SCD5: variants seen among roughly 807,000 people sequenced by gnomAD.
SCD5 encodes the protein stearoyl-CoA desaturase 5.
Under a neutral mutation model 30.4 loss-of-function variants are expected in SCD5, and 20 were observed. The observed-to-expected ratio is 0.66, with a 90% CI of 0.46 to 0.96. The LOEUF (loss-of-function observed/expected upper bound fraction) is 0.96. Among genes scored for constraint, SCD5 ranks in the 40% least tolerant of loss-of-function variants. The probability of loss-of-function intolerance (pLI) is 0.00; values close to 1 mark genes in which losing one functional copy is unlikely to be tolerated. For missense variants in SCD5, 381 were observed against 443.3 expected, an observed-to-expected ratio of 0.86 and a Z score of 1.26; for synonymous variants, 173 against 176.4, an observed-to-expected ratio of 0.98 and a Z score of 0.16.
chr4:82,741,958 T>C (rs1720883319), intron 1 of SCD5, among the ~76,000 whole-genome samples: 1 of 150,948 alleles, frequency 6.6e-6, no homozygotes, highest in Non-Finnish European at 1.5e-5. Context: ...GGCATGCCTG[T>C]AGTCCCAGCG....
intron 2 of SCD5, among the ~76,000 whole-genome samples, chr4:82,703,426 A>G (rs1358621385): frequency 6.6e-6 from 1 of 152,186 alleles, no homozygotes; most frequent in African/African-American, 2.4e-5. Flanking sequence ...CTTTTTATTC[A>G]TTATTTTATC....
intron 2 of SCD5, among the ~76,000 whole-genome samples, chr4:82,681,806 A>C (rs981193087): frequency 1.3e-5 from 2 of 152,188 alleles, no homozygotes; most frequent in African/African-American, 4.8e-5. Flanking sequence ...AGATGTTCTT[A>C]GGATGAAATC....
chr4:82,782,880 G>A (rs1023238827), intron 1 of SCD5, among the ~76,000 whole-genome samples: 2 of 152,170 alleles, frequency 1.3e-5, no homozygotes, highest in African/African-American at 4.8e-5. Flanking sequence ...ATCTGGGCTG[G>A]AATTTCAGTC....
chr4:82,770,894 G>A (rs1028747654), intron 1 of SCD5, among the ~76,000 whole-genome samples: 6 of 152,202 alleles, frequency 3.9e-5, no homozygotes, highest in African/African-American at 1.4e-4. Context: ...TCTACACAAC[G>A]GCCCAGATGG....
At chr4:82,647,285 G>A (rs74580244) in intron 3 of SCD5, among the ~76,000 whole-genome samples, 5,786 of 151,996 alleles carry the variant, frequency 0.038, 148 homozygotes, top group South Asian at 0.093. Flanking sequence ...TGTGCTGAAA[G>A]GACAACAGAC....
chr4:82,648,166 A>G (rs1325349667), intron 3 of SCD5, among the ~76,000 whole-genome samples: 1 of 152,246 alleles, frequency 6.6e-6, no homozygotes, highest in East Asian at 1.9e-4. Flanking sequence ...CCAAGAGGCC[A>G]TCTGAGCCAC....
At chr4:82,725,641 T>G (rs914633915) in intron 1 of SCD5, among the ~76,000 whole-genome samples, 1 of 151,782 alleles carries the variant, frequency 6.6e-6, no homozygotes, top group African/African-American at 2.4e-5. Flanking sequence ...GGGCAGATCA[T>G]TTGAGACCAG....
At chr4:82,747,036 TG>T (rs58290846) in intron 1 of SCD5, among the ~76,000 whole-genome samples, 32,542 of 148,918 alleles carry the variant, frequency 0.22, 4,092 homozygotes, top group African/African-American at 0.34. Context: ...GGAGTTCGGT[TG>T]GGGGGCAGTT....
chr4:82,784,274 C>T (rs991071951), intron 1 of SCD5, among the ~76,000 whole-genome samples: 3 of 152,146 alleles, frequency 2.0e-5, no homozygotes, highest in Admixed American at 6.5e-5. Flanking sequence ...ACCTATACAA[C>T]GCTTCAGGTG....
intron 1 of SCD5, among the ~76,000 whole-genome samples, chr4:82,791,709 A>T (rs980875031): frequency 6.6e-6 from 1 of 152,184 alleles, no homozygotes; most frequent in Non-Finnish European, 1.5e-5. Flanking sequence ...AACATGGGAC[A>T]GAGGAATGGG....
intron 1 of SCD5, among the ~76,000 whole-genome samples, chr4:82,787,653 AGGAGGTGGGGCTTTGG>A (rs1722014093): frequency 6.6e-6 from 1 of 152,138 alleles, no homozygotes; most frequent in Non-Finnish European, 1.5e-5. Flanking sequence ...TGTTGGTATT[AGGAGGTGGGGCTTTGG>A]GGAGGTAATT....
chr4:82,677,183 A>C (rs1468328939), intron 3 of SCD5, among the ~76,000 whole-genome samples: 1 of 152,236 alleles, frequency 6.6e-6, no homozygotes, highest in Non-Finnish European at 1.5e-5. Context: ...AGAGGCACTT[A>C]GCTGATTGAT....
In SCD5 at chr4:82,705,390, C is replaced by T. The variant is rs753255648; in HGVS notation, c.256G>A (p.Ala86Thr). The change falls in exon 2 of 5, where the codon GCT (alanine) becomes ACT (threonine). Residue 86 changes from alanine (A) to threonine (T), a missense_variant. By Grantham distance (58) the Ala-to-Thr change is moderately conservative. Coordinates refer to ENST00000319540, the MANE Select transcript of SCD5 (RefSeq NM_001037582.3). The stretch of plus-strand genomic sequence containing the variant: ...TGGGCACCAGCTGTCACACCCAGAG[C>T]GGCCAGGAGGAAGCAGAAGTAGGCT... ...LWAYFCFLLA[A>T]LGVTAGAHRL... 6.8e-6 allele frequency: 11 copies of T among 1,614,072 alleles called. No homozygotes were observed. The highest frequency in any genetic ancestry group is 1.7e-5 in the Admixed American group (1 of 60,008).
Position 82,786,792 on chromosome 4 carries a change from T to TAAA in SCD5, c.232+11511_232+11513dup, listed in dbSNP as rs11462424. Among the ~76,000 whole-genome samples the TAAA allele has an allele frequency of 5.2e-3, 655 of 127,150 alleles. 10 individuals carry two copies. Among genetic ancestry groups the TAAA allele is most frequent in the Non-Finnish European group, 5.8e-3 (363 of 62,276 alleles). 83.4% of individuals were successfully genotyped at this position (127,150 alleles called of 152,430 possible). ...GGGGGACAAGAGCGAGACTTTGCCT[T>TAAA]AAAAAAAAAAAAAAAAAAACAAGGC... On this transcript the variant is annotated intron_variant, in intron 1 of 4. Coordinates refer to ENST00000319540, the MANE Select transcript of SCD5 (RefSeq NM_001037582.3).
chr4:82,662,313 A>G (rs1263565250), intron 3 of SCD5, among the ~76,000 whole-genome samples: 2 of 152,064 alleles, frequency 1.3e-5, no homozygotes, highest in East Asian at 3.9e-4. Context: ...TCAGCCTCCA[A>G]AAGTGCTGGG....
At chr4:82,660,614 A>T (rs937389207) in intron 3 of SCD5, 1 of 1,326,556 alleles carries the variant, frequency 7.5e-7, no homozygotes, top group African/African-American at 1.5e-5. Flanking sequence ...AGGTATCATT[A>T]TTACCCTGCT....
intron 1 of SCD5, among the ~76,000 whole-genome samples, chr4:82,767,461 T>C (rs1473294878): frequency 6.6e-6 from 1 of 152,174 alleles, no homozygotes; most frequent in African/African-American, 2.4e-5. Flanking sequence ...TCAGGGCAAT[T>C]GTAGGCTCAC....
At chr4:82,739,562 C>T (rs1720829883) in intron 1 of SCD5, among the ~76,000 whole-genome samples, 1 of 152,198 alleles carries the variant, frequency 6.6e-6, no homozygotes, top group South Asian at 2.1e-4. Context: ...CGGTGGTGGC[C>T]CAGGCCAGGG....
intron 3 of SCD5, among the ~76,000 whole-genome samples, chr4:82,673,135 TC>T (rs1170833051): frequency 6.6e-6 from 1 of 152,100 alleles, no homozygotes; most frequent in African/African-American, 2.4e-5. Flanking sequence ...CTCTTATCAC[TC>T]CCTTTTGACA....
Sources: gnomAD v4.1 joint callset for allele counts (sites outside exome capture counted in the v4.1 genomes callset) on GRCh38, gnomAD v4.1.1 for gene constraint, MANE v1.5 for transcripts, NCBI Gene and HGNC (gene_info 2026-07-23, HGNC 2026-07-21) for gene names.